GALNT13: variants seen among roughly 807,000 people sequenced by gnomAD.
The protein encoded by GALNT13 is UDP-GalNAc:polypeptide N-acetylgalactosaminyltransferase 13.
A neutral mutation model predicts 64.2 loss-of-function variants in GALNT13; 28 were observed. The observed-to-expected ratio is 0.44, with a 90% CI of 0.32 to 0.60. GALNT13 has a LOEUF of 0.60. Ranked by LOEUF, GALNT13 falls within the 20% of genes least tolerant of loss-of-function variation. The pLI is 0.05. For synonymous variants in GALNT13, 214 were observed against 224.6 expected (o/e 0.95, Z 0.42); for missense variants, 577 against 669.8 (o/e 0.86, Z 1.53).
At chr2:153,655,487 A>C in the GALNT13 span, among the ~76,000 whole-genome samples, 1 of 152,120 alleles carries the variant, frequency 6.6e-6, no homozygotes, top group Admixed American at 6.6e-5. Flanking sequence ...TGAGAGATAC[A>C]TGTATTTGTG....
chr2:153,182,258 A>G, the GALNT13 span, among the ~76,000 whole-genome samples: 6 of 151,922 alleles, frequency 3.9e-5, no homozygotes, highest in Admixed American at 3.9e-4. Context: ...GTTAGCCAGG[A>G]TGGTCTCTGT....
the GALNT13 span, among the ~76,000 whole-genome samples, chr2:153,327,849 T>C: frequency 1.2e-3 from 184 of 152,208 alleles, no homozygotes; most frequent in Non-Finnish European, 1.9e-3. Context: ...GGCTCGGAGT[T>C]GTGATCCTTT....
At chr2:153,853,774 T>A in the GALNT13 span, among the ~76,000 whole-genome samples, 1 of 150,536 alleles carries the variant, frequency 6.6e-6, no homozygotes, top group Admixed American at 6.6e-5. Flanking sequence ...ATAAATATAA[T>A]ATACACTGTG....
At chr2:154,342,447 C>G (rs1176210500) in intron 9 of GALNT13, among the ~76,000 whole-genome samples, 9 of 151,948 alleles carry the variant, frequency 5.9e-5, no homozygotes, top group Admixed American at 5.9e-4. Flanking sequence ...TTAACTATGG[C>G]CATAGAACAA....
the GALNT13 span, among the ~76,000 whole-genome samples, chr2:153,214,119 G>T: frequency 1.3e-5 from 2 of 152,064 alleles, no homozygotes; most frequent in Non-Finnish European, 2.9e-5. Flanking sequence ...GGTATAAAAG[G>T]TTTTAAAATA....
At chr2:154,056,352 A>T (rs1448682060) in intron 3 of GALNT13, among the ~76,000 whole-genome samples, 1 of 152,160 alleles carries the variant, frequency 6.6e-6, no homozygotes, top group African/African-American at 2.4e-5. Flanking sequence ...TATTCATCAT[A>T]GAAAAATTTT....
rs780836448 is a variant in GALNT13 at position 154,395,948 on chromosome 2, A to T, written c.1157-43A>T. The T allele has an allele frequency of 3.2e-6, 5 of 1,542,980 alleles. No individual in the cohort carries two copies. In the South Asian group the frequency reaches 6.3e-5, roughly 19 times the overall value. ...AAATGTAGTAAAACAGTACTAAAAC[A>T]AAAATAGCACAAACTGATTTGTGTT... On this transcript the variant is annotated intron_variant, in intron 9 of 12. Coordinates refer to ENST00000392825, the MANE Select transcript of GALNT13 (RefSeq NM_052917.4).
chr2:154,208,072 A>T (rs567537846), intron 4 of GALNT13, among the ~76,000 whole-genome samples: 1 of 152,192 alleles, frequency 6.6e-6, no homozygotes, highest in Non-Finnish European at 1.5e-5. Context: ...TCAATTTTTC[A>T]TAAGTTCCAG....
At chr2:153,612,252 AGTTC>A in the GALNT13 span, among the ~76,000 whole-genome samples, 1 of 152,146 alleles carries the variant, frequency 6.6e-6, no homozygotes, top group Non-Finnish European at 1.5e-5. Context: ...GGTGTAAATT[AGTTC>A]AACTGTTGTG....
the GALNT13 span, among the ~76,000 whole-genome samples, chr2:153,426,616 A>T: frequency 6.6e-6 from 1 of 152,182 alleles, no homozygotes; most frequent in African/African-American, 2.4e-5. Flanking sequence ...AATCTTCAAA[A>T]TTATGTTTAT....
chr2:153,471,823 T>C, the GALNT13 span, among the ~76,000 whole-genome samples: 1 of 152,226 alleles, frequency 6.6e-6, no homozygotes, highest in African/African-American at 2.4e-5. Flanking sequence ...CAAATAAATC[T>C]TATTTACTGG....
chr2:153,199,111 T>C, the GALNT13 span, among the ~76,000 whole-genome samples: 2 of 152,212 alleles, frequency 1.3e-5, no homozygotes, highest in Non-Finnish European at 2.9e-5. Context: ...AATTTGATCC[T>C]GTGGGATCAT....
the GALNT13 span, among the ~76,000 whole-genome samples, chr2:153,818,644 G>A: frequency 6.6e-6 from 1 of 152,182 alleles, no homozygotes; most frequent in Non-Finnish European, 1.5e-5. Context: ...TAACAGGCAA[G>A]GCTTGGCACC....
At chr2:153,354,047 G>C in the GALNT13 span, among the ~76,000 whole-genome samples, 3 of 152,214 alleles carry the variant, frequency 2.0e-5, no homozygotes, top group East Asian at 5.8e-4. Context: ...TGTTTTGGAA[G>C]GCTATTAGTG....
chr2:153,921,044 GC>G (rs1456492845), intron 2 of GALNT13, among the ~76,000 whole-genome samples: 1 of 152,162 alleles, frequency 6.6e-6, no homozygotes, highest in African/African-American at 2.4e-5. Flanking sequence ...AATTAGTTCA[GC>G]CATTGTGGAA....
rs541645267 is a variant in GALNT13 at position 153,971,179 on chromosome 2, C to G, written c.142+26540C>G. ...TTTACTTCATGTCTTAATTTTCTAC[C>G]TCACCTTATTCAGGCATTATCTCAA... On this transcript the variant is annotated intron_variant, in intron 3 of 12. Coordinates refer to ENST00000392825, the MANE Select transcript of GALNT13 (RefSeq NM_052917.4). Among the ~76,000 whole-genome samples, 20 of 152,184 alleles carry G rather than the reference C, an allele frequency of 1.3e-4. No individual in the cohort carries two copies. In the South Asian group the frequency reaches 4.1e-3, roughly 32 times the overall value.
chr2:153,601,222 A>T, the GALNT13 span, among the ~76,000 whole-genome samples: 1 of 151,398 alleles, frequency 6.6e-6, no homozygotes, highest in African/African-American at 2.4e-5. Flanking sequence ...TACTTTCTGA[A>T]TTTATTTTCT....
chr2:154,025,427 C>T (rs193023495), intron 3 of GALNT13, among the ~76,000 whole-genome samples: 49 of 152,214 alleles, frequency 3.2e-4, no homozygotes, highest in African/African-American at 1.0e-3. Flanking sequence ...CTGTGCATGC[C>T]AGTACATACA....
the GALNT13 span, among the ~76,000 whole-genome samples, chr2:153,717,158 C>T: frequency 6.6e-6 from 1 of 152,110 alleles, no homozygotes; most frequent in Non-Finnish European, 1.5e-5. Flanking sequence ...AAGAGCATTC[C>T]CCAATGAACA....
Sources: gnomAD v4.1 joint callset for allele counts (sites outside exome capture counted in the v4.1 genomes callset) on GRCh38, gnomAD v4.1.1 for gene constraint, MANE v1.5 for transcripts, NCBI Gene and HGNC (gene_info 2026-07-23, HGNC 2026-07-21) for gene names.